The following ELFN1 variants were observed in gnomAD, a reference collection of about 807,000 sequenced individuals.
ELFN1 encodes protein ELFN1.
Under a neutral mutation model 7.6 loss-of-function variants are expected in ELFN1, and 6 were observed. The ratio of observed to expected loss-of-function variants is 0.79; its 90% CI spans 0.43 to 1.56. The LOEUF (loss-of-function observed/expected upper bound fraction) is 1.56. ELFN1 is among the 40% of genes most tolerant of loss of function. ELFN1 has a pLI of 0.01. For missense variants in ELFN1, 1,169 were observed against 1,232.2 expected, an observed-to-expected ratio of 0.95 and a Z score of 0.77; for synonymous variants, 657 against 588.1, an observed-to-expected ratio of 1.12 and a Z score of -1.70.
intron 3 of ELFN1, among the ~76,000 whole-genome samples, chr7:1,724,841 G>T (rs1276586976): frequency 2.0e-5 from 3 of 152,166 alleles, no homozygotes; most frequent in Admixed American, 6.5e-5. Flanking sequence ...CTCCCGTCCT[G>T]CACCCCTGGC....
At chr7:1,667,314 A>C (rs1362618322), upstream of ELFN1, among the ~76,000 whole-genome samples, 2 of 151,852 alleles carry the variant, frequency 1.3e-5, no homozygotes, top group Admixed American at 6.5e-5. The surrounding 1 kb of genome is among the most constrained non-coding windows in gnomAD (Gnocchi z 8.2). Flanking sequence ...CTTCCTCCCA[A>C]CCCACGGCGA....
intron 2 of ELFN1, among the ~76,000 whole-genome samples, chr7:1,706,335 T>A (rs929428550): frequency 6.6e-6 from 1 of 152,038 alleles, no homozygotes; most frequent in African/African-American, 2.4e-5. Context: ...AGGCAGAGAA[T>A]TGCTTGAACC....
intron 3 of ELFN1, among the ~76,000 whole-genome samples, chr7:1,725,646 G>A (rs941497049): frequency 7.2e-5 from 11 of 152,314 alleles, no homozygotes; most frequent in Admixed American, 2.0e-4. Flanking sequence ...CCAGCTGTCG[G>A]ACGCCCGCCT....
chr7:1,682,394 C>T (rs367846436), intron 1 of ELFN1, among the ~76,000 whole-genome samples: 1 of 151,998 alleles, frequency 6.6e-6, no homozygotes, highest in African/African-American at 2.4e-5. Flanking sequence ...TATTTCTGGA[C>T]TCTCAATTCT....
At chr7:1,702,334 G>T (rs368722156) in intron 2 of ELFN1, among the ~76,000 whole-genome samples, 2 of 151,982 alleles carry the variant, frequency 1.3e-5, no homozygotes, top group African/African-American at 4.8e-5. Context: ...TGAGGCAGGA[G>T]AATGGTGTGA....
intron 1 of ELFN1, among the ~76,000 whole-genome samples, chr7:1,686,115 T>C (rs12667647): frequency 0.096 from 14,531 of 151,278 alleles, 758 homozygotes; most frequent in Middle Eastern, 0.15. Context: ...GTCTTGTAAG[T>C]TTGTGTTGAA....
In ELFN1 at chr7:1,739,321, C is replaced by T. The variant is rs535206306; in HGVS notation, c.-293-4983C>T. ...AGTGGAGTGATTCCAGATGCTTCTG[C>T]AGGTGGATTAGATGCTGCTGGAGTT... On this transcript the variant is annotated intron_variant, in intron 3 of 3. Coordinates refer to ENST00000424383, the MANE Select transcript of ELFN1 (RefSeq NM_001128636.4). The surrounding 1 kb of genome is among the most constrained non-coding windows in gnomAD (Gnocchi z 4.6). The T allele has an allele frequency of 6.6e-6, 1 of 152,240 alleles. No homozygotes were observed. Among genetic ancestry groups the T allele is most frequent in the Non-Finnish European group, 1.5e-5 (1 of 68,160 alleles). The allele number at this position is 152,240 out of a possible 1,614,324, so 9.4% of individuals were successfully genotyped here.
chr7:1,709,507 G>A (rs1779605871), intron 3 of ELFN1, among the ~76,000 whole-genome samples: 1 of 152,224 alleles, frequency 6.6e-6, no homozygotes, highest in African/African-American at 2.4e-5. Context: ...GGGGGACCCG[G>A]AAATAGTCTA....
At chr7:1,675,425 G>T (rs1363091090) in intron 1 of ELFN1, among the ~76,000 whole-genome samples, 1 of 152,228 alleles carries the variant, frequency 6.6e-6, no homozygotes, top group African/African-American at 2.4e-5. Context: ...ATCCTTCCTG[G>T]GATGGAAACC....
chr7:1,677,634 A>T (rs996909812), intron 1 of ELFN1, among the ~76,000 whole-genome samples: 1 of 152,034 alleles, frequency 6.6e-6, no homozygotes, highest in Non-Finnish European at 1.5e-5. Flanking sequence ...AGGTGTGTGC[A>T]CACCCTCCTG....
chr7:1,737,548 G>A (rs1780484321), intron 3 of ELFN1, among the ~76,000 whole-genome samples: 1 of 152,186 alleles, frequency 6.6e-6, no homozygotes, highest in Admixed American at 6.5e-5. Context: ...CTTCGGGAAG[G>A]TCAAATGTGC....
intron 1 of ELFN1, among the ~76,000 whole-genome samples, chr7:1,675,815 C>T (rs959494626): frequency 2.0e-5 from 3 of 152,232 alleles, no homozygotes; most frequent in African/African-American, 7.2e-5. Context: ...GAAGTAGTGG[C>T]TGGGAAGGTG....
In ELFN1 at chr7:1,746,027, G is replaced by T. The variant is rs1454221842; in HGVS notation, c.1431G>T (p.Ala477=). 3 of 1,544,082 alleles carry T rather than the reference G, an allele frequency of 1.9e-6. No individual in the cohort carries two copies. Among genetic ancestry groups the T allele is most frequent in the Admixed American group, 2.0e-5 (1 of 50,696 alleles). The part of the protein sequence containing the change: ...IELKYGPELE[A]PGLAPLSQGP... The stretch of plus-strand genomic sequence containing the variant: ...TCAAGTACGGGCCAGAGCTGGAGGC[G>T]CCCGGCCTGGCCCCGCTGTCCCAGG... The change falls in exon 4 of 4, where the codon GCG becomes GCT. Residue 477 remains alanine (A), a synonymous_variant. Transcript: ENST00000424383.
chr7:1,680,531 T>A (rs780552938), intron 1 of ELFN1, among the ~76,000 whole-genome samples: 1 of 152,144 alleles, frequency 6.6e-6, no homozygotes, highest in South Asian at 2.1e-4. Context: ...TACAGAGGCA[T>A]CCTGTGCGCC....
upstream of ELFN1, among the ~76,000 whole-genome samples, chr7:1,666,382 C>T (rs1365486290): frequency 6.6e-6 from 1 of 151,930 alleles, no homozygotes; most frequent in Non-Finnish European, 1.5e-5. This position sits in a 1 kb window ranked among gnomAD's most constrained non-coding sequence, Gnocchi z 7.9. Flanking sequence ...GCGCCAGGGC[C>T]GAGTCTCCCC....
In ELFN1 at chr7:1,712,897, A is replaced by C. The variant is rs367773442; in HGVS notation, c.-294+3645A>C. Among the ~76,000 whole-genome samples, 4 of 152,354 alleles carry C rather than the reference A, an allele frequency of 2.6e-5. No individual in the cohort carries two copies. The South Asian group carries it at 8.3e-4, about 32-fold the overall frequency. ...TTTTATCTATAAAATGGGGAAAATA[A>C]GGCCCCTCAGGAGGGAAGCGTTCAG... On this transcript the variant is annotated intron_variant, in intron 3 of 3. Coordinates refer to ENST00000424383, the MANE Select transcript of ELFN1 (RefSeq NM_001128636.4).
At chr7:1,690,065 A>T (rs1919911) in intron 2 of ELFN1, among the ~76,000 whole-genome samples, 6,923 of 152,260 alleles carry the variant, frequency 0.045, 442 homozygotes, top group African/African-American at 0.14. Context: ...GGATGAATGT[A>T]TACATGGATG....
Position 1,746,527 on chromosome 7 carries a change from G to T in ELFN1, c.1931G>T (p.Gly644Val). The stretch of plus-strand genomic sequence containing the variant: ...CCTCGTGCCAGCACCTCGTCCAGCG[G>T]CTCCGTGCGCAGCCCCCGCGCCTTC... ...GPPRASTSSSGSVRSPRAFRA... is the reference protein window; with the variant it reads ...GPPRASTSSSVSVRSPRAFRA... Residue 644 changes from glycine to valine, a missense_variant, in exon 4 of 4, where the codon GGC (glycine) becomes GTC (valine). Transcript: ENST00000424383. 6.9e-7 allele frequency: 1 copy of T among 1,444,574 alleles called. No individual in the cohort carries two copies. The highest frequency in any genetic ancestry group is 9.0e-7 in the Non-Finnish European group (1 of 1,109,144). The allele number at this position is 1,444,574 out of a possible 1,614,324, so 89.5% of individuals were successfully genotyped here.
chr7:1,666,457 CA>C (rs1318107320), upstream of ELFN1, among the ~76,000 whole-genome samples: 1 of 152,016 alleles, frequency 6.6e-6, no homozygotes. This position sits in a 1 kb window ranked among gnomAD's most constrained non-coding sequence, Gnocchi z 7.9. Context: ...TCCACCCACC[CA>C]GGTTCGGAGG....
Sources: gnomAD v4.1 joint callset for allele counts (sites outside exome capture counted in the v4.1 genomes callset) on GRCh38, gnomAD v4.1.1 for gene constraint, Gnocchi (gnomAD v3.1) non-coding constraint, MANE v1.5 for transcripts, NCBI Gene and HGNC (gene_info 2026-07-23, HGNC 2026-07-21) for gene names.